SH3D19: variants seen among roughly 807,000 people sequenced by gnomAD.
The protein encoded by SH3D19 is SH3 domain-containing protein 19.
SH3D19 carries 58 observed loss-of-function variants against 112.1 expected under a neutral mutation model. The observed-to-expected ratio is 0.52, with a 90% CI of 0.42 to 0.64. The LOEUF (loss-of-function observed/expected upper bound fraction) is 0.64. Among genes scored for constraint, SH3D19 ranks in the 30% least tolerant of loss-of-function variants. The pLI is 0.00. For synonymous variants in SH3D19, 391 were observed against 448.5 expected, an observed-to-expected ratio of 0.87 and a Z score of 1.62; for missense variants, 1,090 against 1,263.4, an observed-to-expected ratio of 0.86 and a Z score of 2.08.
At chr4:151,145,298 C>G (rs1753722259) in intron 11 of SH3D19, among the ~76,000 whole-genome samples, 1 of 152,206 alleles carries the variant, frequency 6.6e-6, no homozygotes, top group Non-Finnish European at 1.5e-5. Flanking sequence ...AGCTAAGCCA[C>G]TGTGACCTGC....
chr4:151,274,327 A>C (rs1428161801), intron 1 of SH3D19, among the ~76,000 whole-genome samples: 1 of 152,226 alleles, frequency 6.6e-6, no homozygotes, highest in Admixed American at 6.5e-5. Context: ...AGATATAGCA[A>C]ACCTGGCATC....
Position 151,296,785 on chromosome 4 carries a change from C to A in SH3D19, c.112+28456G>T, listed in dbSNP as rs530739466. Among the ~76,000 whole-genome samples, 8 of 152,230 alleles carry A rather than the reference C, an allele frequency of 5.3e-5. No homozygotes were observed. The South Asian group carries it at 1.7e-3, about 32-fold the overall frequency. On this transcript the variant is annotated intron_variant, in intron 1 of 19. Coordinates refer to ENST00000604030, the MANE Select transcript of SH3D19 (RefSeq NM_001378122.1). ...TAAAGGTTGCTAAAAATCCTATGAG[C>A]AATTTTTTTCCTAAATGTGGGGAAG...
At chr4:151,138,789 G>T (rs562250241) in intron 13 of SH3D19, among the ~76,000 whole-genome samples, 1 of 151,724 alleles carries the variant, frequency 6.6e-6, no homozygotes, top group African/African-American at 2.4e-5. Flanking sequence ...GAAGACAAAA[G>T]AACTTCAGTT....
chr4:151,148,124 G>T lies in SH3D19; in HGVS notation c.1880C>A (p.Pro627Gln), dbSNP rs1272818631. The T allele has an allele frequency of 6.2e-7, 1 of 1,613,664 alleles. No homozygotes were observed. The highest frequency in any genetic ancestry group is 1.1e-5 in the South Asian group (1 of 91,010). Reference protein sequence around the residue: ...QPPTKVPPERPPPPKLSATRR... With the variant: ...QPPTKVPPERQPPPKLSATRR... Reference sequence around the variant, plus strand: ...GGTTGCAGAAAGCTTTGGGGGAGGTGGTCTCTCAGGGGGCACCTTGGTTGG... The same window carrying T: ...GGTTGCAGAAAGCTTTGGGGGAGGTTGTCTCTCAGGGGGCACCTTGGTTGG... The change falls in exon 11 of 20, where the codon CCA (proline) becomes CAA (glutamine). Residue 627 changes from proline to glutamine, a missense_variant. Coordinates refer to ENST00000604030, the MANE Select transcript of SH3D19 (RefSeq NM_001378122.1).
chr4:151,135,171 T>C lies in SH3D19; in HGVS notation c.2428-39A>G, dbSNP rs747628375. On this transcript the variant is annotated intron_variant, in intron 14 of 19. Transcript: ENST00000604030. The stretch of plus-strand genomic sequence containing the variant: ...AATCAAGGCAACAATTATATTTTTT[T>C]CAGATTTTCATAAGATAAATTTAAG... The C allele has an allele frequency of 2.0e-6, 3 of 1,510,062 alleles. No individual in the cohort carries two copies. In the Admixed American group the frequency reaches 6.1e-5, roughly 31 times the overall value. The allele number at this position is 1,510,062 out of a possible 1,614,324, so 93.5% of individuals were successfully genotyped here.
intron 1 of SH3D19, among the ~76,000 whole-genome samples, chr4:151,320,515 A>G (rs1242540762): frequency 6.6e-6 from 1 of 152,188 alleles, no homozygotes; most frequent in East Asian, 1.9e-4. Context: ...GACACAAATT[A>G]TAAAGGAAAA....
intron 1 of SH3D19, among the ~76,000 whole-genome samples, chr4:151,229,676 G>GCCGA (rs1485267150): frequency 1.3e-5 from 2 of 152,194 alleles, no homozygotes; most frequent in East Asian, 3.8e-4. Flanking sequence ...ACTTTGGGAG[G>GCCGA]CCGAGGTGGG....
At chr4:151,172,030 C>T (rs576233422) in intron 7 of SH3D19, among the ~76,000 whole-genome samples, 2 of 152,236 alleles carry the variant, frequency 1.3e-5, no homozygotes, top group South Asian at 4.1e-4. Context: ...ATTAATATGG[C>T]AACTTCATTT....
intron 1 of SH3D19, among the ~76,000 whole-genome samples, chr4:151,266,890 G>T (rs959580594): frequency 1.3e-5 from 2 of 152,100 alleles, no homozygotes; most frequent in African/African-American, 4.8e-5. Context: ...ACTCAAGAAG[G>T]TACTATTTAG....
intron 1 of SH3D19, among the ~76,000 whole-genome samples, chr4:151,258,976 C>A (rs969694114): frequency 6.6e-6 from 1 of 152,020 alleles, no homozygotes; most frequent in African/African-American, 2.4e-5. Context: ...GGGACAGGGG[C>A]TTCAGACTAG....
Position 151,174,874 on chromosome 4 carries a change from C to T in SH3D19, c.1330G>A (p.Val444Ile). 2 of 1,609,020 alleles carry T rather than the reference C, an allele frequency of 1.2e-6. No individual in the cohort carries two copies. Among genetic ancestry groups the T allele is most frequent in the Non-Finnish European group, 1.7e-6 (2 of 1,177,190 alleles). ...PTYPSAPLKP[V>I]TVPPRLAGAS... ...CCTGCGAGTCGGGGAGGAACAGTGA[C>T]AGGTTTCAGTGGAGCTGAAGGGTAG... Residue 444 changes from valine to isoleucine, a missense_variant, in exon 7 of 20, where the codon GTC (valine) becomes ATC (isoleucine). Coordinates refer to ENST00000604030, the MANE Select transcript of SH3D19 (RefSeq NM_001378122.1).
chr4:151,145,529 A>C (rs1753777037), intron 11 of SH3D19, among the ~76,000 whole-genome samples: 1 of 151,908 alleles, frequency 6.6e-6, no homozygotes, highest in African/African-American at 2.4e-5. Flanking sequence ...TACCTACCCA[A>C]ATCCTTTAAA....
chr4:151,294,226 T>G (rs1419052613), intron 1 of SH3D19, among the ~76,000 whole-genome samples: 1 of 152,248 alleles, frequency 6.6e-6, no homozygotes, highest in African/African-American at 2.4e-5. Flanking sequence ...CTTGTCTCCC[T>G]AACTGTACTG....
intron 1 of SH3D19, among the ~76,000 whole-genome samples, chr4:151,299,334 A>G (rs1246639405): frequency 6.6e-6 from 1 of 152,192 alleles, no homozygotes; most frequent in Non-Finnish European, 1.5e-5. Context: ...TAATCCCAGC[A>G]CTTTGGGAGG....
chr4:151,242,290 C>G (rs986804381), intron 1 of SH3D19, among the ~76,000 whole-genome samples: 1 of 152,320 alleles, frequency 6.6e-6, no homozygotes, highest in African/African-American at 2.4e-5. Flanking sequence ...GCTTGGCCAA[C>G]AAGATCTATG....
At chr4:151,171,504 G>A (rs532538356) in intron 7 of SH3D19, among the ~76,000 whole-genome samples, 14 of 152,116 alleles carry the variant, frequency 9.2e-5, no homozygotes, top group Non-Finnish European at 2.1e-4. Context: ...TATTTGCAAT[G>A]TTTATTCTGT....
rs147439787 is a variant in SH3D19 at position 151,319,202 on chromosome 4, C to T, written c.112+6039G>A. 7.0e-3 allele frequency among the ~76,000 whole-genome samples: 1,069 copies of T among 152,298 alleles called. 10 individuals are homozygous for T. The highest frequency in any genetic ancestry group is 0.025 in the African/African-American group (1,020 of 41,566). On this transcript the variant is annotated intron_variant, in intron 1 of 19. Coordinates refer to ENST00000604030, the MANE Select transcript of SH3D19 (RefSeq NM_001378122.1). ...TAGCTGGGATTACAGGTGCCCACCA[C>T]CACATCTGGCTAATTTTTTGTATTT...
intron 11 of SH3D19, chr4:151,144,312 C>T (rs1357843449): frequency 6.2e-7 from 1 of 1,604,630 alleles, no homozygotes; most frequent in Non-Finnish European, 8.5e-7. Flanking sequence ...CAATAAAAGG[C>T]TTATTCACAA....
At chr4:151,260,648 C>T (rs1772305664) in intron 1 of SH3D19, among the ~76,000 whole-genome samples, 4 of 152,102 alleles carry the variant, frequency 2.6e-5, no homozygotes, top group Admixed American at 2.6e-4. Context: ...GCTTTGAATC[C>T]CCCAGCGGTT....
Sources: allele counts gnomAD v4.1 joint callset (sites outside exome capture counted in the v4.1 genomes callset), GRCh38; gene constraint gnomAD v4.1.1; transcripts MANE v1.5; gene names NCBI Gene and HGNC (gene_info 2026-07-23, HGNC 2026-07-21).